The following EVI5L variants were observed in gnomAD, a reference collection of about 807,000 sequenced individuals.
EVI5L encodes ecotropic viral integration site 5 like.
EVI5L carries 30 observed loss-of-function variants against 106.1 expected under a neutral mutation model. The ratio of observed to expected loss-of-function variants is 0.28; its 90% confidence interval spans 0.21 to 0.38. The LOEUF (loss-of-function observed/expected upper bound fraction) is 0.38, where lower values mean the gene tolerates loss of function less well. EVI5L is among the 10% of genes least tolerant of loss of function. The pLI is 1.00. For synonymous variants in EVI5L, 489 were observed against 483.3 expected, an observed-to-expected ratio of 1.01 and a Z score of -0.15; for missense variants, 809 against 1,098.0, an observed-to-expected ratio of 0.74 and a Z score of 3.72.
intron 1 of EVI5L, among the ~76,000 whole-genome samples, chr19:7,842,593 T>C (rs1978678922): frequency 6.6e-6 from 1 of 150,914 alleles, no homozygotes; most frequent in South Asian, 2.1e-4. Flanking sequence ...CAAGCATGTG[T>C]GAATGTGCAT....
At chr19:7,860,159 A>G (rs530087623) in intron 13 of EVI5L, among the ~76,000 whole-genome samples, 19 of 152,284 alleles carry the variant, frequency 1.2e-4, no homozygotes, top group African/African-American at 4.6e-4. Context: ...AGAGAGGTGG[A>G]AAGACAGGTG....
Position 7,863,337 on chromosome 19 carries a change from C to G in EVI5L, c.2139+57C>G. 9 of 1,546,570 alleles carry G rather than the reference C, an allele frequency of 5.8e-6. No homozygotes were observed. The highest frequency in any genetic ancestry group is 7.0e-6 in the Non-Finnish European group (8 of 1,145,332). On this transcript the variant is annotated intron_variant, in intron 19 of 19. Transcript: ENST00000538904. The surrounding 1 kb of genome is among the most constrained non-coding windows in gnomAD (Gnocchi z 7.7). ...CTGGGTGTCGTCGGCCTGGGACGAG[C>G]CGAGCGCAGGTGCCTTGCGGAGGAT...
At position 7,846,675 on chromosome 19, in the gene EVI5L, A is replaced by C; in HGVS notation, c.133A>C (p.Asn45His). The change falls in exon 2 of 20, where the codon AAC becomes CAC. Residue 45 changes from asparagine (N) to histidine (H), a missense_variant. By Grantham distance (68) the Asn-to-His change is moderately conservative. Coordinates refer to ENST00000538904, the MANE Select transcript of EVI5L (RefSeq NM_001159944.3). ...GCTGCTGGCCAAGCTCGAAGAGCAG[A>C]ACCGGTGAGTTGGGGGCTGGGGGAT... ...LELLAKLEEQNRLLEADSKSM... is the reference protein window; with the variant it reads ...LELLAKLEEQHRLLEADSKSM... 6.2e-7 allele frequency: 1 copy of C among 1,612,492 alleles called. No homozygotes were observed.
intron 5 of EVI5L, 30 bp downstream of exon 5, chr19:7,849,360 G>T: frequency 1.2e-6 from 2 of 1,612,292 alleles, no homozygotes; most frequent in Non-Finnish European, 1.7e-6. Flanking sequence ...CTGGGCTCCT[G>T]CCAGACAACA....
chr19:7,840,956 C>G (rs187922493), intron 1 of EVI5L, among the ~76,000 whole-genome samples: 21 of 152,292 alleles, frequency 1.4e-4, no homozygotes, highest in Middle Eastern at 3.4e-3. Context: ...GCGTTGAGCC[C>G]TACGAGTGGA....
Position 7,845,647 on chromosome 19 carries a change from G to A in EVI5L, c.-47-849G>A, listed in dbSNP as rs371554932. On this transcript the variant is annotated intron_variant, in intron 1 of 19. Transcript: ENST00000538904. This position sits in a 1 kb window ranked among gnomAD's most constrained non-coding sequence, Gnocchi z 4.0. ...GGTTGAGGGGAGCCATGCTTCAGAC[G>A]CAGATCCATTTGAGCCCAGTACCTT... Among the ~76,000 whole-genome samples, 33 of 152,338 alleles carry A rather than the reference G, an allele frequency of 2.2e-4. No homozygotes were observed. The East Asian group carries it at 5.6e-3, about 26-fold the overall frequency.
At position 7,845,174 on chromosome 19, in the gene EVI5L, C is replaced by T. The variant is rs1442373157; in HGVS notation, c.-47-1322C>T. 1.3e-5 allele frequency among the ~76,000 whole-genome samples: 2 copies of T among 152,140 alleles called. No homozygotes were observed. Among genetic ancestry groups the T allele is most frequent in the African/African-American group, 2.4e-5 (1 of 41,422 alleles). On this transcript the variant is annotated intron_variant, in intron 1 of 19. Transcript: ENST00000538904. The surrounding 1 kb of genome is among the most constrained non-coding windows in gnomAD (Gnocchi z 4.0). ...CACACGGCAGACTCCTGCTACAGAGCGTGCCGGGCAGTGGGCGGGCATGAG... is the reference window on the plus strand; with the variant it reads ...CACACGGCAGACTCCTGCTACAGAGTGTGCCGGGCAGTGGGCGGGCATGAG...
chr19:7,850,508 C>T lies in EVI5L; in HGVS notation c.753+386C>T, dbSNP rs1979190442. Among the ~76,000 whole-genome samples, 1 of 152,162 alleles carries T rather than the reference C, an allele frequency of 6.6e-6. No individual in the cohort carries two copies. Among genetic ancestry groups the T allele is most frequent in the African/African-American group, 2.4e-5 (1 of 41,440 alleles). On this transcript the variant is annotated intron_variant, in intron 6 of 19. Transcript: ENST00000538904. This position sits in a 1 kb window ranked among gnomAD's most constrained non-coding sequence, Gnocchi z 5.4. ...CTGATTACTGGAGAGCCGCAGACGTCTGTTTATAAATAGCAGCCCCCGCAG... is the reference window on the plus strand; with the variant it reads ...CTGATTACTGGAGAGCCGCAGACGTTTGTTTATAAATAGCAGCCCCCGCAG...
rs886220779 is a variant in EVI5L at position 7,848,322 on chromosome 19, C to T, written c.327+401C>T. ...TTAAAAATTAGCCAGGTAGGCCGGGCGCAGTGGCTCACGCCTGTAATCCCA... is the reference window on the plus strand; with the variant it reads ...TTAAAAATTAGCCAGGTAGGCCGGGTGCAGTGGCTCACGCCTGTAATCCCA... On this transcript the variant is annotated intron_variant, in intron 3 of 19. Coordinates refer to ENST00000538904, the MANE Select transcript of EVI5L (RefSeq NM_001159944.3). This position sits in a 1 kb window ranked among gnomAD's most constrained non-coding sequence, Gnocchi z 4.8. Among the ~76,000 whole-genome samples, 1 of 151,870 alleles carries T rather than the reference C, an allele frequency of 6.6e-6. No homozygotes were observed. The highest frequency in any genetic ancestry group is 2.1e-4 in the South Asian group (1 of 4,818).
rs895769368 is a variant in EVI5L at position 7,863,100 on chromosome 19, G to T, written c.2043+33G>T. 2.9e-5 allele frequency: 20 copies of T among 697,446 alleles called. No homozygotes were observed. Among genetic ancestry groups the T allele is most frequent in the Admixed American group, 4.2e-5 (2 of 47,912 alleles). 43.2% of individuals were successfully genotyped at this position (697,446 alleles called of 1,614,324 possible). A position where few individuals can be genotyped will look rare whatever the true frequency, so the allele number is the denominator to read the frequency against. On this transcript the variant is annotated intron_variant, in intron 18 of 19. Coordinates refer to ENST00000538904, the MANE Select transcript of EVI5L (RefSeq NM_001159944.3). This position sits in a 1 kb window ranked among gnomAD's most constrained non-coding sequence, Gnocchi z 7.7. ...GCGGGGCCGGGGTCGGGGGGCGGGG[G>T]CGGGGGCAGGGCCCGGGGCAGGAGC...
intron 1 of EVI5L, among the ~76,000 whole-genome samples, chr19:7,841,724 G>T (rs1374312038): frequency 6.6e-6 from 1 of 152,230 alleles, no homozygotes; most frequent in Non-Finnish European, 1.5e-5. Flanking sequence ...CAGACCCAGA[G>T]GCCAGTGGGT....
At chr19:7,832,553 C>T (rs545955890) in intron 1 of EVI5L, among the ~76,000 whole-genome samples, 1 of 152,078 alleles carries the variant, frequency 6.6e-6, no homozygotes, top group Admixed American at 6.6e-5. Flanking sequence ...TAGGGTGTGG[C>T]CCTGTGTGTT....
At position 7,862,540 on chromosome 19, in the gene EVI5L, G is replaced by C; in HGVS notation, c.1947+6G>C. On this transcript the variant is annotated splice_donor_region_variant and intron_variant, in intron 17 of 19. Transcript: ENST00000538904. Reference sequence around the variant, plus strand: ...AGGCCGAGGCCGAGTGCAAGGTGCAGACCCCCGCGGCCCCGCCCTGCCCGT... The same window carrying C: ...AGGCCGAGGCCGAGTGCAAGGTGCACACCCCCGCGGCCCCGCCCTGCCCGT... The C allele has an allele frequency of 6.9e-7, 1 of 1,458,678 alleles. No individual in the cohort carries two copies. The highest frequency in any genetic ancestry group is 9.1e-7 in the Non-Finnish European group (1 of 1,104,644). The allele number at this position is 1,458,678 out of a possible 1,614,324, so 90.4% of individuals were successfully genotyped here. A position where few individuals can be genotyped will look rare whatever the true frequency, so the allele number is the denominator to read the frequency against.
In EVI5L at chr19:7,851,676, T is replaced by TGC. The variant is rs768436471; in HGVS notation, c.898-4_898-3dup. The TGC allele has an allele frequency of 1.4e-5, 22 of 1,583,956 alleles. No homozygotes were observed. The African/African-American group carries it at 2.9e-4, about 21-fold the overall frequency. ...CACCTCCCACTGCCTTTGCCGCCTT[T>TGC]GCAGGGGCTGGAGATCGTGTTCCGA... On this transcript the variant is annotated splice_polypyrimidine_tract_variant and splice_region_variant and intron_variant, in intron 7 of 19. Coordinates refer to ENST00000538904, the MANE Select transcript of EVI5L (RefSeq NM_001159944.3).
In EVI5L at chr19:7,863,420, CCAGG is replaced by C; in HGVS notation, c.2140-3_2140del. 1 of 1,537,700 alleles carries C rather than the reference CCAGG, an allele frequency of 6.5e-7. No individual in the cohort carries two copies. Among genetic ancestry groups the C allele is most frequent in the Non-Finnish European group, 8.8e-7 (1 of 1,142,118 alleles). ...ACGCCTGCAGCGCCGGTCCCCCGCCCCAGGTGCGGCTGCTGAAGGGCCCGCCGCC... is the reference window on the plus strand; with the variant it reads ...ACGCCTGCAGCGCCGGTCCCCCGCCCTGCGGCTGCTGAAGGGCCCGCCGCC... On this transcript the variant is annotated splice_acceptor_variant and splice_polypyrimidine_tract_variant and coding_sequence_variant and intron_variant, in exon 20 of 20. Transcript: ENST00000538904. LOFTEE classifies it high-confidence loss of function. This position sits in a 1 kb window ranked among gnomAD's most constrained non-coding sequence, Gnocchi z 7.7.
rs951521533 is a variant in EVI5L at position 7,848,932 on chromosome 19, C to A, written c.339C>A (p.Arg113=). 1 of 1,609,756 alleles carries A rather than the reference C, an allele frequency of 6.2e-7. No homozygotes were observed. The highest frequency in any genetic ancestry group is 1.3e-5 in the African/African-American group (1 of 74,990). Residue 113 remains arginine (R), a synonymous_variant, in exon 4 of 20, where the codon CGC becomes CGA. Coordinates refer to ENST00000538904, the MANE Select transcript of EVI5L (RefSeq NM_001159944.3). This position sits in a 1 kb window ranked among gnomAD's most constrained non-coding sequence, Gnocchi z 4.8. ...GCTCCCGTGGCCAGGAGCTGATCCG[C>A]AAGGGCATCCCCCACCACTTCCGGG... ...RKEKLLKELI[R]KGIPHHFRAI... is the part of the protein sequence containing the mutation.
chr19:7,837,996 C>T (rs1395276767), intron 1 of EVI5L, among the ~76,000 whole-genome samples: 1 of 152,006 alleles, frequency 6.6e-6, no homozygotes, highest in East Asian at 1.9e-4. Flanking sequence ...AGCCCCCATG[C>T]CCGGCCAACC....
rs960985870 is a variant in EVI5L, at chr19:7,857,314, G to A, written c.1233+190G>A. The A allele has an allele frequency of 1.3e-5, 9 of 715,642 alleles. No homozygotes were observed. Among genetic ancestry groups the A allele is most frequent in the Non-Finnish European group, 2.2e-5 (9 of 417,676 alleles). The allele number at this position is 715,642 out of a possible 1,614,324, so 44.3% of individuals were successfully genotyped here. ...GGGGGCGGGGCATGTGAAGTGGGGA[G>A]AAGGGTGTGTGTGGAGGGGCTGTGA... is the stretch of plus-strand genomic sequence containing the variant. On this transcript the variant is annotated intron_variant, in intron 12 of 19. Coordinates refer to ENST00000538904, the MANE Select transcript of EVI5L (RefSeq NM_001159944.3). This position sits in a 1 kb window ranked among gnomAD's most constrained non-coding sequence, Gnocchi z 4.5.
rs1245581065 is a variant in EVI5L, at chr19:7,863,604, T to A, written c.2320T>A (p.Phe774Ile). 3.8e-6 allele frequency: 6 copies of A among 1,575,148 alleles called. No homozygotes were observed. The Admixed American group carries it at 1.1e-4, about 29-fold the overall frequency. ...YPLSPRDARF[F>I]RRLERPAKDS... ...TCTGTCCCCGCGCGATGCGCGCTTC[T>A]TCCGCCGTCTGGAGCGGCCGGCCAA... is the stretch of plus-strand genomic sequence containing the variant. The change falls in exon 20 of 20, where the codon TTC becomes ATC. Residue 774 changes from phenylalanine (F) to isoleucine (I), a missense_variant. By Grantham distance (21) the Phe-to-Ile change is conservative. Coordinates refer to ENST00000538904, the MANE Select transcript of EVI5L (RefSeq NM_001159944.3). The surrounding 1 kb of genome is among the most constrained non-coding windows in gnomAD (Gnocchi z 7.7).
Sources: gnomAD v4.1 joint callset for allele counts (sites outside exome capture counted in the v4.1 genomes callset) on GRCh38, gnomAD v4.1.1 for gene constraint, Gnocchi (gnomAD v3.1) non-coding constraint, MANE v1.5 for transcripts, NCBI Gene and HGNC (gene_info 2026-07-23, HGNC 2026-07-21) for gene names.